RBM44: variants seen among roughly 807,000 people sequenced by gnomAD.
The protein encoded by RBM44 is RNA-binding protein 44.
Under a neutral mutation model 105.1 loss-of-function variants are expected in RBM44, and 66 were observed. The observed-to-expected ratio is 0.63, with a 90% confidence interval of 0.52 to 0.77. RBM44 has a LOEUF of 0.77. RBM44 is among the 30% of genes least tolerant of loss of function. The pLI is 0.00. For synonymous variants in RBM44, 365 were observed against 417.6 expected, an observed-to-expected ratio of 0.87 and a Z score of 1.54; for missense variants, 1,122 against 1,207.8, an observed-to-expected ratio of 0.93 and a Z score of 1.05.
At chr2:237,833,216 A>G (rs2061920044) in intron 13 of RBM44, among the ~76,000 whole-genome samples, 1 of 152,238 alleles carries the variant, frequency 6.6e-6, no homozygotes, top group Admixed American at 6.5e-5. Flanking sequence ...AGTGAGGGAG[A>G]TAAGGCAATA....
Position 237,817,275 on chromosome 2 carries a change from C to A in RBM44, c.356C>A (p.Ser119Ter). The change falls in exon 3 of 16, where the codon TCA becomes TAA. Residue 119 changes from serine to a stop codon, truncating the protein, a stop_gained. Transcript: ENST00000316997. LOFTEE classifies it high-confidence loss of function. ...NKTYSIPYSE[S>*]KLKKESLTPL... ...ACATATTCTATACCTTATTCAGAGT[C>A]AAAACTAAAGAAGGAAAGTCTTACT... 6.2e-7 allele frequency: 1 copy of A among 1,607,192 alleles called. No individual in the cohort carries two copies. The highest frequency in any genetic ancestry group is 1.1e-5 in the South Asian group (1 of 90,444).
At chr2:237,812,437 T>C (rs1191370815) in intron 1 of RBM44, among the ~76,000 whole-genome samples, 1 of 152,188 alleles carries the variant, frequency 6.6e-6, no homozygotes, top group African/African-American at 2.4e-5. Context: ...TTATTGTCAT[T>C]AATTTATTTT....
intron 15 of RBM44, among the ~76,000 whole-genome samples, chr2:237,839,667 A>G (rs1047239063): frequency 2.0e-5 from 3 of 152,240 alleles, no homozygotes; most frequent in Admixed American, 1.3e-4. Context: ...CAACTTAAAC[A>G]TAAGAGTTAA....
chr2:237,811,375 C>G (rs1375259348), intron 1 of RBM44, among the ~76,000 whole-genome samples: 1 of 152,022 alleles, frequency 6.6e-6, no homozygotes. Flanking sequence ...CTCAAGTGAT[C>G]GTCTCACCCC....
chr2:237,842,486 T>TC lies in RBM44; in HGVS notation c.*672dup. On this transcript the variant is annotated 3_prime_UTR_variant, in exon 16 of 16. Coordinates refer to ENST00000316997, the MANE Select transcript of RBM44 (RefSeq NM_001080504.3). ...ATGTGCTTTGGTAAAGTACTTAAAT[T>TC]CCAATGTTCCCTATAGTGCTTGCAT... 6.6e-6 allele frequency: 1 copy of TC among 152,218 alleles called. No homozygotes were observed. The highest frequency in any genetic ancestry group is 2.1e-4 in the South Asian group (1 of 4,822). 9.4% of individuals were successfully genotyped at this position (152,218 alleles called of 1,614,324 possible).
intron 2 of RBM44, among the ~76,000 whole-genome samples, chr2:237,815,764 C>G (rs776444213): frequency 4.6e-5 from 7 of 152,194 alleles, no homozygotes; most frequent in South Asian, 4.2e-4. Flanking sequence ...CTCTCTTCCT[C>G]TTACTATCAT....
intron 2 of RBM44, among the ~76,000 whole-genome samples, chr2:237,814,982 A>G (rs930816694): frequency 1.7e-4 from 26 of 151,976 alleles, no homozygotes; most frequent in Non-Finnish European, 2.4e-4. Context: ...CACAAAACCT[A>G]GAAGTTACAG....
rs768633533 is a variant in RBM44 at position 237,821,132 on chromosome 2, G to A, written c.1975G>A (p.Asp659Asn). 3.1e-6 allele frequency: 5 copies of A among 1,610,978 alleles called. No individual in the cohort carries two copies. Among genetic ancestry groups the A allele is most frequent in the East Asian group, 4.5e-5 (2 of 44,830 alleles). ...LGSALLSLLG[D>N]LKVRYVTLKE... ...ATCAGCACTACTGTCTCTTTTGGGG[G>A]ACTTAAAAGTTAGATATGTGACTTT... The change falls in exon 6 of 16, where the codon GAC (aspartate) becomes AAC (asparagine). Residue 659 changes from aspartate (D) to asparagine (N), a missense_variant. Asp to Asn is a conservative substitution (Grantham distance 23). This residue lies in a region of RBM44 where 918 missense variants were observed against 955.3 expected (regional missense o/e 0.96). Transcript: ENST00000316997.
At position 237,802,145 on chromosome 2, in the gene RBM44, A is replaced by C. The variant is rs1199543926; in HGVS notation, c.-19+3284A>C. Among the ~76,000 whole-genome samples the C allele has an allele frequency of 2.0e-5, 3 of 152,326 alleles. No homozygotes were observed. The East Asian group carries it at 5.8e-4, about 29-fold the overall frequency. ...TCATCATTCAGATCTGAGGTTAAGT[A>C]ACTCTCTGAAAAGCCTTCACTAATC... is the stretch of plus-strand genomic sequence containing the variant. On this transcript the variant is annotated intron_variant, in intron 1 of 15. Transcript: ENST00000316997.
intron 1 of RBM44, among the ~76,000 whole-genome samples, chr2:237,805,922 G>A (rs2061594936): frequency 6.6e-6 from 1 of 152,182 alleles, no homozygotes; most frequent in African/African-American, 2.4e-5. Flanking sequence ...CAAGGCTGCA[G>A]TGAGCTCTGA....
chr2:237,829,684 G>A lies in RBM44; in HGVS notation c.2886+182G>A, dbSNP rs1308511278. On this transcript the variant is annotated intron_variant, in intron 13 of 15. Transcript: ENST00000316997. ...GTACAACTCCAATTGTTCCTGGGGG[G>A]AAATCTAGATCTTTGTAGACCAAGC... Among the ~76,000 whole-genome samples the A allele has an allele frequency of 2.6e-5, 4 of 152,122 alleles. No homozygotes were observed. The East Asian group carries it at 5.8e-4, about 22-fold the overall frequency.
At position 237,823,481 on chromosome 2, in the gene RBM44, A is replaced by G; in HGVS notation, c.2247A>G (p.Ile749Met). ...SSDNSHATQN[I>M]SPKKDDFKNG... is the part of the protein sequence containing the mutation. ...ACAATAGTCATGCTACACAAAACAT[A>G]TCACCCAAGAAAGATGACTTTAAAA... Residue 749 changes from isoleucine to methionine, a missense_variant, in exon 9 of 16, where the codon ATA (isoleucine) becomes ATG (methionine). By Grantham distance (10) the Ile-to-Met change is conservative. Transcript: ENST00000316997. 1 of 1,540,394 alleles carries G rather than the reference A, an allele frequency of 6.5e-7. No individual in the cohort carries two copies. Among genetic ancestry groups the G allele is most frequent in the Non-Finnish European group, 8.8e-7 (1 of 1,135,534 alleles).
chr2:237,822,793 GATTTTAAGTTGAGATTT>G (rs2061807064), intron 8 of RBM44, among the ~76,000 whole-genome samples: 1 of 152,026 alleles, frequency 6.6e-6, no homozygotes, highest in Admixed American at 6.6e-5. Context: ...AAACAATATT[GATTTTAAGTTGAGATTT>G]ATTTTAAGTT....
intron 1 of RBM44, among the ~76,000 whole-genome samples, chr2:237,802,881 A>G (rs1161682051): frequency 6.6e-6 from 1 of 152,238 alleles, no homozygotes; most frequent in East Asian, 1.9e-4. Context: ...CCCGGTTTCC[A>G]AATGGTTTTA....
chr2:237,811,733 A>C (rs975667419), intron 1 of RBM44, among the ~76,000 whole-genome samples: 1 of 151,514 alleles, frequency 6.6e-6, no homozygotes, highest in Admixed American at 6.6e-5. Context: ...AAATTTTAAA[A>C]TTATCCTTCA....
At position 237,821,641 on chromosome 2, in the gene RBM44, CCT is replaced by C; in HGVS notation, c.2121-97_2121-96del. 4 of 827,578 alleles carry C rather than the reference CCT, an allele frequency of 4.8e-6. No individual in the cohort carries two copies. In the South Asian group the frequency reaches 6.7e-5, roughly 14 times the overall value. 51.3% of individuals were successfully genotyped at this position (827,578 alleles called of 1,614,324 possible). ...TCTATGTGTTAGGAACATTTCAAGT[CCT>C]CTCTTTTAGCTACTTTGAAATATAC... On this transcript the variant is annotated intron_variant, in intron 7 of 15. Coordinates refer to ENST00000316997, the MANE Select transcript of RBM44 (RefSeq NM_001080504.3).
intron 15 of RBM44, among the ~76,000 whole-genome samples, chr2:237,837,875 A>T (rs1454177703): frequency 6.6e-6 from 1 of 151,416 alleles, no homozygotes; most frequent in Admixed American, 6.6e-5. Flanking sequence ...TTGAAATAAC[A>T]ACAGAGGATT....
chr2:237,819,335 T>C (rs948246020), intron 4 of RBM44, among the ~76,000 whole-genome samples: 1 of 152,100 alleles, frequency 6.6e-6, no homozygotes, highest in African/African-American at 2.4e-5. Flanking sequence ...AGCATTTTAA[T>C]CTTGATTTTA....
intron 1 of RBM44, among the ~76,000 whole-genome samples, chr2:237,808,306 T>A (rs1182220189): frequency 6.6e-6 from 1 of 151,786 alleles, no homozygotes; most frequent in East Asian, 1.9e-4. Context: ...AAAGATTAGC[T>A]GGGCATGGTG....
Sources: gnomAD v4.1 joint callset for allele counts (sites outside exome capture counted in the v4.1 genomes callset) on GRCh38, gnomAD v4.1.1 for gene constraint, gnomAD v4.1.1 regional missense constraint, MANE v1.5 for transcripts, NCBI Gene and HGNC (gene_info 2026-07-23, HGNC 2026-07-21) for gene names.